EFR3A: variants seen among roughly 807,000 people sequenced by gnomAD.
EFR3A encodes protein EFR3 homolog A.
EFR3A carries 76 observed loss-of-function variants against 104.4 expected under a neutral mutation model. The ratio of observed to expected loss-of-function variants is 0.73; its 90% CI spans 0.60 to 0.88. The LOEUF (loss-of-function observed/expected upper bound fraction) is 0.88, where lower values mean the gene tolerates loss of function less well. Ranked by LOEUF, EFR3A falls within the 40% of genes least tolerant of loss-of-function variation. The probability of loss-of-function intolerance (pLI) is 0.00; values close to 1 mark genes in which losing one functional copy is unlikely to be tolerated. For synonymous variants in EFR3A, 330 were observed against 330.0 expected (o/e 1.00, Z 0.00); for missense variants, 985 against 1,012.5 (o/e 0.97, Z 0.37).
At chr8:131,984,027 C>A in intron 14 of EFR3A, 112 bp from the exon 15 acceptor site, 2 of 840,974 alleles carry the variant, frequency 2.4e-6, no homozygotes, top group Non-Finnish European at 1.6e-6. Flanking sequence ...AATTTCATTT[C>A]CATGTTAAGC....
At chr8:131,913,219 C>T (rs76273933) in intron 1 of EFR3A, among the ~76,000 whole-genome samples, 25,069 of 147,678 alleles carry the variant, frequency 0.17, 2,325 homozygotes, top group East Asian at 0.33. Context: ...GTTGGCAGTT[C>T]CTCCTATGAT....
At chr8:131,977,823 C>G (rs1014184866) in intron 12 of EFR3A, among the ~76,000 whole-genome samples, 1 of 151,818 alleles carries the variant, frequency 6.6e-6, no homozygotes, top group African/African-American at 2.4e-5. Context: ...TCTAATATAG[C>G]CAGATTTATC....
chr8:132,003,609 T>C (rs1181796451), intron 22 of EFR3A, among the ~76,000 whole-genome samples: 1 of 152,230 alleles, frequency 6.6e-6, no homozygotes, highest in African/African-American at 2.4e-5. Flanking sequence ...AATTAGGAAA[T>C]TGCTCATATT....
intron 7 of EFR3A, among the ~76,000 whole-genome samples, chr8:131,958,061 G>A (rs2130639709): frequency 6.6e-6 from 1 of 152,190 alleles, no homozygotes; most frequent in East Asian, 1.9e-4. Context: ...TTTGAGCCAG[G>A]GCCAGTATGT....
At chr8:131,928,154 G>T (rs112974615) in intron 1 of EFR3A, among the ~76,000 whole-genome samples, 41 of 151,866 alleles carry the variant, frequency 2.7e-4, no homozygotes, top group Middle Eastern at 3.4e-3. Flanking sequence ...TTGATTGGTT[G>T]ACTAGTCATG....
chr8:131,979,262 A>C (rs1820478947), intron 13 of EFR3A, 84 bp from the exon 14 acceptor site: 1 of 1,159,620 alleles, frequency 8.6e-7, no homozygotes, highest in Admixed American at 2.4e-5. Flanking sequence ...CAAACTCCTA[A>C]GTATAAATAC....
chr8:131,937,931 GT>G (rs1817988098), intron 1 of EFR3A, among the ~76,000 whole-genome samples: 2 of 151,994 alleles, frequency 1.3e-5, no homozygotes, highest in African/African-American at 2.4e-5. Context: ...GGGGGTGTAA[GT>G]AGGCTTGCTT....
At chr8:131,954,254 A>G (rs1399309659) in intron 6 of EFR3A, among the ~76,000 whole-genome samples, 1 of 152,106 alleles carries the variant, frequency 6.6e-6, no homozygotes, top group East Asian at 1.9e-4. Flanking sequence ...TGCTGTTTTA[A>G]TGGATACTAC....
intron 1 of EFR3A, among the ~76,000 whole-genome samples, chr8:131,927,874 C>T (rs10464873): frequency 0.18 from 26,610 of 151,952 alleles, 2,620 homozygotes; most frequent in East Asian, 0.33. Context: ...TGAAACTACC[C>T]GGAAACAAGT....
intron 1 of EFR3A, among the ~76,000 whole-genome samples, chr8:131,910,235 A>G (rs1319886940): frequency 6.6e-6 from 1 of 152,174 alleles, no homozygotes; most frequent in Non-Finnish European, 1.5e-5. Context: ...TCTAGGTGAC[A>G]TGGAATGGGG....
intron 22 of EFR3A, 30 bp from the exon 23 acceptor site, chr8:132,010,760 T>C (rs745707094): frequency 1.9e-5 from 30 of 1,608,196 alleles, no homozygotes; most frequent in Non-Finnish European, 2.5e-5. Context: ...TAAGTACACC[T>C]GCTGACAATG....
At position 131,984,693 on chromosome 8, in the gene EFR3A, A is replaced by G. The variant is rs566223080; in HGVS notation, c.1738-236A>G. On this transcript the variant is annotated intron_variant, in intron 15 of 22. Coordinates refer to ENST00000254624, the MANE Select transcript of EFR3A (RefSeq NM_015137.6). ...TATATGCATGTCCGTGTGTGTGTGT[A>G]TATATATATGAGAACAGGAAAGGCT... 1.5e-3 allele frequency among the ~76,000 whole-genome samples: 225 copies of G among 152,252 alleles called. 1 individual carries two copies. The highest frequency in any genetic ancestry group is 4.9e-3 in the African/African-American group (204 of 41,556).
At chr8:131,968,190 G>A in intron 8 of EFR3A, 105 bp from the exon 9 acceptor site, 1 of 1,040,904 alleles carries the variant, frequency 9.6e-7, no homozygotes, top group South Asian at 1.8e-5. Context: ...ATGACCACCA[G>A]TCACTAATTG....
At chr8:131,984,037 C>A in intron 14 of EFR3A, 102 bp from the exon 15 acceptor site, 1 of 931,684 alleles carries the variant, frequency 1.1e-6, no homozygotes, top group Non-Finnish European at 1.5e-6. Context: ...CCATGTTAAG[C>A]TATATAATAA....
intron 2 of EFR3A, among the ~76,000 whole-genome samples, chr8:131,944,322 T>C (rs1818315190): frequency 1.3e-5 from 2 of 152,114 alleles, no homozygotes; most frequent in African/African-American, 2.4e-5. Context: ...CTTATAATGA[T>C]ATCACTGACT....
chr8:131,952,995 A>G (rs1010963193), intron 5 of EFR3A, among the ~76,000 whole-genome samples: 2 of 152,192 alleles, frequency 1.3e-5, no homozygotes, highest in Admixed American at 1.3e-4. Context: ...ACCAGAAGGA[A>G]AATGTTTTGA....
intron 10 of EFR3A, among the ~76,000 whole-genome samples, chr8:131,971,471 G>A (rs149781680): frequency 0.02 from 3,100 of 152,140 alleles, 45 homozygotes; most frequent in South Asian, 0.042. Context: ...GGCGGATCAC[G>A]AGGTCAGGAG....
At chr8:131,974,702 C>T (rs769008347) in intron 10 of EFR3A, among the ~76,000 whole-genome samples, 10 of 152,004 alleles carry the variant, frequency 6.6e-5, no homozygotes, top group African/African-American at 9.7e-5. Context: ...ATATGTATTC[C>T]GTAAGTGTTA....
intron 8 of EFR3A, among the ~76,000 whole-genome samples, chr8:131,964,482 A>G (rs1819580376): frequency 1.3e-5 from 2 of 152,184 alleles, no homozygotes; most frequent in Admixed American, 6.5e-5. Flanking sequence ...ATTGCTTCAA[A>G]GAGAATAAAA....
Sources: gnomAD v4.1 joint callset for allele counts (sites outside exome capture counted in the v4.1 genomes callset) on GRCh38, gnomAD v4.1.1 for gene constraint, MANE v1.5 for transcripts, NCBI Gene and HGNC (gene_info 2026-07-23, HGNC 2026-07-21) for gene names.